Variants in ATP8A2 observed in about 807,000 individuals in gnomAD.
ATP8A2 encodes the protein ATPase phospholipid transporting 8A2.
ATP8A2 carries 100 observed loss-of-function variants against 165.6 expected under a neutral mutation model. The ratio of observed to expected loss-of-function variants is 0.60; its 90% CI spans 0.51 to 0.71. The LOEUF (loss-of-function observed/expected upper bound fraction) is 0.71, where lower values mean the gene tolerates loss of function less well. Among genes scored for constraint, ATP8A2 ranks in the 30% least tolerant of loss-of-function variants. The pLI is 0.00. For missense variants in ATP8A2, 1,227 were observed against 1,479.5 expected (o/e 0.83, Z 2.80); for synonymous variants, 543 against 548.8 (o/e 0.99, Z 0.15).
At chr13:25,432,582 G>A (rs1014162601) in intron 1 of ATP8A2, among the ~76,000 whole-genome samples, 6 of 152,136 alleles carry the variant, frequency 3.9e-5, no homozygotes, top group African/African-American at 1.4e-4. Context: ...GGAGGGCTCA[G>A]AGCTCCTAGG....
In ATP8A2 at chr13:25,532,087, G is replaced by A. The variant is rs377331166; in HGVS notation, c.421-185G>A. 4.6e-5 allele frequency among the ~76,000 whole-genome samples: 7 copies of A among 152,276 alleles called. No homozygotes were observed. The South Asian group carries it at 1.2e-3, about 27-fold the overall frequency. On this transcript the variant is annotated intron_variant, in intron 4 of 36. Transcript: ENST00000381655. ...CAAAATAAAATAATTGAAACTAGAG[G>A]AGACCACTTCTAAACTTAGGGAGTG...
chr13:25,559,160 T>C lies in ATP8A2; in HGVS notation c.1352+99T>C, dbSNP rs2039069211. 5 of 802,026 alleles carry C rather than the reference T, an allele frequency of 6.2e-6. No homozygotes were observed. In the South Asian group the frequency reaches 8.4e-5, roughly 13 times the overall value. 49.7% of individuals were successfully genotyped at this position (802,026 alleles called of 1,614,324 possible). ...GTCAAATATCTTGACTTTCTGATGTTTTGAAAGGATAAAGTAGTTACTATG... is the reference window on the plus strand; with the variant it reads ...GTCAAATATCTTGACTTTCTGATGTCTTGAAAGGATAAAGTAGTTACTATG... On this transcript the variant is annotated intron_variant, in intron 14 of 36. Coordinates refer to ENST00000381655, the MANE Select transcript of ATP8A2 (RefSeq NM_016529.6).
At chr13:25,479,673 T>G (rs2137571719) in intron 2 of ATP8A2, among the ~76,000 whole-genome samples, 1 of 151,940 alleles carries the variant, frequency 6.6e-6, no homozygotes, top group East Asian at 1.9e-4. Flanking sequence ...GTACTTGAGA[T>G]TAGGGAGTGG....
intron 35 of ATP8A2, among the ~76,000 whole-genome samples, chr13:25,981,314 T>C (rs1956166993): frequency 6.6e-6 from 1 of 152,250 alleles, no homozygotes; most frequent in African/African-American, 2.4e-5. Context: ...CATGTGATAA[T>C]TGATCTCTTG....
At position 25,589,806 on chromosome 13, in the gene ATP8A2, G is replaced by GA. The variant is rs369946348; in HGVS notation, c.2211+113dup. 1.1e-3 allele frequency: 708 copies of GA among 670,790 alleles called. 4 individuals are homozygous for GA. The African/African-American group carries it at 0.012, about 11-fold the overall frequency. The allele number at this position is 670,790 out of a possible 1,614,324, so 41.6% of individuals were successfully genotyped here. A position where few individuals can be genotyped will look rare whatever the true frequency, so the allele number is the denominator to read the frequency against. On this transcript the variant is annotated intron_variant, in intron 24 of 36. Transcript: ENST00000381655. ...TCATGTTTTGCTAAAAAACAGTTATGAAAAAACTGTGTTTATTTTCTGTTT... is the reference window on the plus strand; with the variant it reads ...TCATGTTTTGCTAAAAAACAGTTATGAAAAAAACTGTGTTTATTTTCTGTTT...
At chr13:25,987,585 C>T (rs546644380) in intron 35 of ATP8A2, among the ~76,000 whole-genome samples, 1 of 152,302 alleles carries the variant, frequency 6.6e-6, no homozygotes, top group East Asian at 1.9e-4. Flanking sequence ...CCCGTCACCA[C>T]TGTGAAGCCT....
Position 25,699,170 on chromosome 13 carries a change from C to T in ATP8A2, c.2212-3C>T, listed in dbSNP as rs766420483. The T allele has an allele frequency of 5.2e-6, 8 of 1,532,736 alleles. No homozygotes were observed. The highest frequency in any genetic ancestry group is 7.0e-6 in the Non-Finnish European group (8 of 1,137,186). The allele number at this position is 1,532,736 out of a possible 1,614,324, so 94.9% of individuals were successfully genotyped here. A position where few individuals can be genotyped will look rare whatever the true frequency, so the allele number is the denominator to read the frequency against. ...GTGATTTTCCCCTATACTCTTGTTT[C>T]AGGCCACAAGGGCAGCCATTACTCA... On this transcript the variant is annotated splice_region_variant and splice_polypyrimidine_tract_variant and intron_variant, in intron 24 of 36. Transcript: ENST00000381655.
rs1379550958 is a variant in ATP8A2 at position 25,459,703 on chromosome 13, G to A, written c.77-9274G>A. 7.6e-4 allele frequency among the ~76,000 whole-genome samples: 115 copies of A among 152,296 alleles called. 1 individual carries two copies. Among genetic ancestry groups the A allele is most frequent in the Non-Finnish European group, 1.8e-4 (12 of 68,030 alleles). On this transcript the variant is annotated intron_variant, in intron 1 of 36. Coordinates refer to ENST00000381655, the MANE Select transcript of ATP8A2 (RefSeq NM_016529.6). ...AAGAAGTTAGTTAGCAAAGACTAGG[G>A]AATGACATTCTAGGTGAAGAAAAAG...
chr13:25,465,469 C>G (rs965554292), intron 1 of ATP8A2, among the ~76,000 whole-genome samples: 1 of 151,362 alleles, frequency 6.6e-6, no homozygotes, highest in Admixed American at 6.6e-5. Context: ...ACTATTTACT[C>G]GTGTCAATAA....
At chr13:25,868,805 A>T (rs1211768677) in intron 33 of ATP8A2, among the ~76,000 whole-genome samples, 2 of 152,086 alleles carry the variant, frequency 1.3e-5, no homozygotes, top group Non-Finnish European at 2.9e-5. Context: ...ACAAAACTAT[A>T]GCAACAACAA....
intron 23 of ATP8A2, among the ~76,000 whole-genome samples, chr13:25,588,221 A>G (rs2039975981): frequency 6.6e-6 from 1 of 152,198 alleles, no homozygotes; most frequent in South Asian, 2.1e-4. Context: ...AATGTTCTAC[A>G]TGGCGGTCCT....
chr13:25,417,811 A>C (rs1016680444), intron 1 of ATP8A2, among the ~76,000 whole-genome samples: 1 of 152,242 alleles, frequency 6.6e-6, no homozygotes, highest in Non-Finnish European at 1.5e-5. Context: ...ATGTTCATTG[A>C]TTTAACTTAT....
chr13:25,518,288 G>A (rs2037543975), intron 2 of ATP8A2, among the ~76,000 whole-genome samples: 1 of 152,242 alleles, frequency 6.6e-6, no homozygotes, highest in Non-Finnish European at 1.5e-5. Flanking sequence ...TCGGGAGCCT[G>A]CTAGGATGGA....
intron 1 of ATP8A2, among the ~76,000 whole-genome samples, chr13:25,463,127 T>TTC (rs1491227097): frequency 3.5e-5 from 3 of 85,888 alleles, no homozygotes; most frequent in African/African-American, 1.1e-4. Context: ...TTCTGAAGTG[T>TTC]TTTTTTTTTT....
At chr13:25,853,404 T>A (rs1351993208) in intron 30 of ATP8A2, among the ~76,000 whole-genome samples, 27 of 111,424 alleles carry the variant, frequency 2.4e-4, no homozygotes, top group Non-Finnish European at 4.9e-4. Flanking sequence ...AAAATATATA[T>A]ATATATGTAT....
chr13:25,873,610 G>A (rs989804838), intron 33 of ATP8A2, among the ~76,000 whole-genome samples: 1 of 151,526 alleles, frequency 6.6e-6, no homozygotes, highest in African/African-American at 2.4e-5. Flanking sequence ...GATGAATCCA[G>A]GCTCTGTTAT....
rs1210751457 is a variant in ATP8A2 at position 25,829,694 on chromosome 13, A to G, written c.2754+1502A>G. Among the ~76,000 whole-genome samples, 5 of 59,754 alleles carry G rather than the reference A, an allele frequency of 8.4e-5. 1 individual carries two copies. Among genetic ancestry groups the G allele is most frequent in the Admixed American group, 3.4e-4 (2 of 5,926 alleles). 39.2% of individuals were successfully genotyped at this position (59,754 alleles called of 152,430 possible). ...TATATATATATATATATATATATAT[A>G]TATATATATATATATATATATATAT... is the stretch of plus-strand genomic sequence containing the variant. On this transcript the variant is annotated intron_variant, in intron 28 of 36. Coordinates refer to ENST00000381655, the MANE Select transcript of ATP8A2 (RefSeq NM_016529.6).
chr13:25,795,410 C>T (rs1046155652), intron 27 of ATP8A2, among the ~76,000 whole-genome samples: 2 of 152,120 alleles, frequency 1.3e-5, no homozygotes, highest in African/African-American at 2.4e-5. Flanking sequence ...CATATTTGGT[C>T]GATTTCTTTT....
chr13:25,392,129 T>G (rs1406229548), intron 1 of ATP8A2, among the ~76,000 whole-genome samples: 1 of 152,206 alleles, frequency 6.6e-6, no homozygotes, highest in African/African-American at 2.4e-5. Context: ...CAATAGATAA[T>G]GAGCACCACC....
Sources: gnomAD v4.1 joint callset for allele counts (sites outside exome capture counted in the v4.1 genomes callset) on GRCh38, gnomAD v4.1.1 for gene constraint, MANE v1.5 for transcripts, NCBI Gene and HGNC (gene_info 2026-07-23, HGNC 2026-07-21) for gene names.